KLF8: variants seen among roughly 807,000 people sequenced by gnomAD.
The protein encoded by KLF8 is Krueppel-like factor 8.
KLF8 carries 10 observed loss-of-function variants against 18.2 expected under a neutral mutation model. That is an observed-to-expected ratio of 0.55 (90% CI 0.34 to 0.93). The LOEUF is 0.93. KLF8 is among the 40% of genes least tolerant of loss of function. KLF8 has a pLI of 0.02. For synonymous variants in KLF8, 109 were observed against 97.3 expected (o/e 1.12, Z -0.71); for missense variants, 264 against 277.9 (o/e 0.95, Z 0.36).
At chrX:55,940,254 T>A in the KLF8 span, among the ~76,000 whole-genome samples, 52 of 111,881 alleles carry the variant, frequency 4.6e-4, no homozygotes, top group South Asian at 0.019. Flanking sequence ...ATCCAGCATA[T>A]AAACAGAACC....
chrX:56,138,818 G>C, the KLF8 span, among the ~76,000 whole-genome samples: 1 of 111,092 alleles, frequency 9.0e-6, no homozygotes, highest in Non-Finnish European at 1.9e-5. Flanking sequence ...GCTAACCAGA[G>C]CAATAAGGCA....
the KLF8 span, among the ~76,000 whole-genome samples, chrX:56,076,040 T>C: frequency 0.066 from 7,184 of 109,268 alleles, 291 homozygotes; most frequent in Non-Finnish European, 0.1. Flanking sequence ...TTCCCACCTA[T>C]AAGTGAGAAT....
At chrX:56,067,338 G>A in the KLF8 span, among the ~76,000 whole-genome samples, 2 of 108,759 alleles carry the variant, frequency 1.8e-5, no homozygotes, top group African/African-American at 6.7e-5. Flanking sequence ...TTACATATCA[G>A]ATTTTTGTTA....
At chrX:56,148,152 C>T in the KLF8 span, among the ~76,000 whole-genome samples, 1 of 111,987 alleles carries the variant, frequency 8.9e-6, no homozygotes, top group African/African-American at 3.2e-5. Context: ...TGCATGCACA[C>T]CCTCAGAAAT....
the KLF8 span, among the ~76,000 whole-genome samples, chrX:56,222,349 T>C: frequency 9.2e-6 from 1 of 109,132 alleles, no homozygotes; most frequent in Admixed American, 9.7e-5. Flanking sequence ...ATTCTCCAAG[T>C]CCCCACCAGA....
chrX:56,150,053 G>A, the KLF8 span, among the ~76,000 whole-genome samples: 1 of 111,924 alleles, frequency 8.9e-6, no homozygotes, highest in African/African-American at 3.2e-5. Context: ...AGGTCCACTT[G>A]GAGTAAAGAC....
chrX:56,051,971 T>G, the KLF8 span, among the ~76,000 whole-genome samples: 3 of 110,613 alleles, frequency 2.7e-5, no homozygotes, highest in South Asian at 1.1e-3. Context: ...CTCATTTATT[T>G]TTATTCTTTT....
chrX:56,171,771 A>G, the KLF8 span, among the ~76,000 whole-genome samples: 210 of 111,759 alleles, frequency 1.9e-3, 2 homozygotes, highest in African/African-American at 6.6e-3. Context: ...CCAGTCTATC[A>G]TTGATGGACA....
the KLF8 span, among the ~76,000 whole-genome samples, chrX:56,057,122 G>T: frequency 8.9e-6 from 1 of 111,799 alleles, no homozygotes; most frequent in Non-Finnish European, 1.9e-5. Flanking sequence ...TTTTTGCAAG[G>T]TTCATGATGG....
At chrX:56,114,921 A>G in the KLF8 span, among the ~76,000 whole-genome samples, 1 of 112,127 alleles carries the variant, frequency 8.9e-6, no homozygotes, top group Non-Finnish European at 1.9e-5. Flanking sequence ...ACGCTGACTT[A>G]TATTGTGTGT....
At chrX:56,113,780 C>G in the KLF8 span, among the ~76,000 whole-genome samples, 2 of 110,063 alleles carry the variant, frequency 1.8e-5, no homozygotes, top group African/African-American at 6.6e-5. Context: ...TATGTCAGGT[C>G]CCCTTCATCC....
chrX:56,193,363 T>C, the KLF8 span, among the ~76,000 whole-genome samples: 1 of 111,833 alleles, frequency 8.9e-6, no homozygotes, highest in Non-Finnish European at 1.9e-5. Context: ...ACTTGTACAT[T>C]TTGGGTGGGG....
chrX:56,194,156 A>T, the KLF8 span, among the ~76,000 whole-genome samples: 2 of 111,255 alleles, frequency 1.8e-5, no homozygotes, highest in African/African-American at 6.5e-5. Context: ...TCAAAGCAGA[A>T]GATGGGTGAT....
the KLF8 span, among the ~76,000 whole-genome samples, chrX:56,030,186 C>CT: frequency 9.0e-6 from 1 of 111,436 alleles, no homozygotes; most frequent in Non-Finnish European, 1.9e-5. Flanking sequence ...TTTTGAGCCC[C>CT]TTTTTTTCAG....
chrX:55,962,423 G>T, the KLF8 span: 1 of 239,818 alleles, frequency 4.2e-6, no homozygotes, highest in South Asian at 5.5e-5. Flanking sequence ...CTCTGTGGCA[G>T]GGGTCACCTT....
chrX:56,025,790 A>T, the KLF8 span, among the ~76,000 whole-genome samples: 1 of 111,872 alleles, frequency 8.9e-6, no homozygotes, highest in Non-Finnish European at 1.9e-5. Context: ...TCTGGATTAC[A>T]TACTTTGTAC....
chrX:56,277,388 A>G (rs1465108966), intron 5 of KLF8, among the ~76,000 whole-genome samples: 6 of 112,119 alleles, frequency 5.4e-5, no homozygotes, highest in South Asian at 3.8e-4. Flanking sequence ...CAGAAGCCCT[A>G]TGGTTCTTGC....
the KLF8 span, among the ~76,000 whole-genome samples, chrX:56,196,112 A>G: frequency 8.9e-6 from 1 of 112,111 alleles, no homozygotes; most frequent in Non-Finnish European, 1.9e-5. Context: ...AACCGATACC[A>G]GCCACTGCAA....
the KLF8 span, among the ~76,000 whole-genome samples, chrX:56,053,942 G>C: frequency 9.1e-6 from 1 of 109,648 alleles, no homozygotes; most frequent in African/African-American, 3.3e-5. Context: ...ATTATTTTAT[G>C]TCAAAAAACC....
Sources: allele counts gnomAD v4.1 joint callset (sites outside exome capture counted in the v4.1 genomes callset), GRCh38; gene constraint gnomAD v4.1.1; transcripts MANE v1.5; gene names NCBI Gene and HGNC (gene_info 2026-07-23, HGNC 2026-07-21).